AADACL4: variants seen among roughly 807,000 people sequenced by gnomAD.
AADACL4 encodes arylacetamide deacetylase like 4, also known as arylacetamide deacetylase-like 4.
Under a neutral mutation model 14.1 loss-of-function variants are expected in AADACL4, and 9 were observed. The observed-to-expected ratio is 0.64, with a 90% CI of 0.39 to 1.12. The LOEUF is 1.12. Among genes scored for constraint, AADACL4 ranks in the 50% most tolerant of loss-of-function variants. AADACL4 has a pLI of 0.01. For missense variants in AADACL4, 531 were observed against 516.1 expected (o/e 1.03, Z -0.28); for synonymous variants, 188 against 201.6 (o/e 0.93, Z 0.57).
intron 1 of AADACL4, among the ~76,000 whole-genome samples, chr1:12,644,949 T>C (rs1327349190): frequency 7.1e-6 from 1 of 141,422 alleles, no homozygotes; most frequent in African/African-American, 2.6e-5. Flanking sequence ...CTTCCTTCCC[T>C]CCTTCTCTCC....
intron 1 of AADACL4, among the ~76,000 whole-genome samples, chr1:12,646,766 G>A (rs1382213750): frequency 7.9e-5 from 12 of 152,182 alleles, no homozygotes; most frequent in Admixed American, 1.3e-4. Context: ...GTCTGCAGCC[G>A]CTGAAAGGGT....
chr1:12,646,237 C>T (rs151033819), intron 1 of AADACL4, among the ~76,000 whole-genome samples: 141 of 152,336 alleles, frequency 9.3e-4, no homozygotes, highest in Middle Eastern at 6.8e-3. Context: ...GCCGGACTGC[C>T]TGAGTGTGTG....
chr1:12,661,575 C>T (rs1407988711), intron 2 of AADACL4, among the ~76,000 whole-genome samples: 1 of 152,030 alleles, frequency 6.6e-6, no homozygotes, highest in Non-Finnish European at 1.5e-5. Context: ...AAAGTGAGCC[C>T]CAAGGTGAAT....
At chr1:12,658,443 G>A (rs1053089729) in intron 2 of AADACL4, among the ~76,000 whole-genome samples, 1 of 152,108 alleles carries the variant, frequency 6.6e-6, no homozygotes, top group Non-Finnish European at 1.5e-5. Context: ...ATTTTTAGTA[G>A]AGACGGGGTT....
chr1:12,654,889 G>A (rs541027168), intron 2 of AADACL4, among the ~76,000 whole-genome samples: 1 of 152,312 alleles, frequency 6.6e-6, no homozygotes, highest in Admixed American at 6.5e-5. Context: ...ACCCACAGGT[G>A]TGTTGACTCA....
At chr1:12,658,713 A>G (rs866500724) in intron 2 of AADACL4, among the ~76,000 whole-genome samples, 3 of 90,920 alleles carry the variant, frequency 3.3e-5, no homozygotes, top group South Asian at 3.4e-4. Context: ...CCCCCCGTGT[A>G]CACCCCGTGC....
At chr1:12,655,401 G>T (rs1647175213) in intron 2 of AADACL4, among the ~76,000 whole-genome samples, 2 of 151,960 alleles carry the variant, frequency 1.3e-5, no homozygotes, top group Non-Finnish European at 2.9e-5. Context: ...GGAACCTCAG[G>T]CCTCTTCAGT....
chr1:12,664,349 CTTTTTCT>C (rs1243321686), intron 3 of AADACL4, among the ~76,000 whole-genome samples: 1 of 151,556 alleles, frequency 6.6e-6, no homozygotes, highest in African/African-American at 2.4e-5. Flanking sequence ...GTTTTCTTTT[CTTTTTCT>C]TTTTTCTTTT....
At chr1:12,651,437 GGAATCA>G in intron 2 of AADACL4, 98 bp downstream of exon 2, 1 of 1,279,782 alleles carries the variant, frequency 7.8e-7, no homozygotes, top group Non-Finnish European at 1.1e-6. Context: ...GTAGCTTAAA[GGAATCA>G]GTTGTTGGAG....
chr1:12,666,678 T>C lies in AADACL4; in HGVS notation c.1167T>C (p.Ser389=). The change falls in exon 4 of 4, where the codon TCT becomes TCC. Residue 389 remains serine, a synonymous_variant. Transcript: ENST00000376221. ...TCTTTTTTGATAAGAAGGCTCTCTC[T>C]TTCCCATGTTCCCTGAAGATTGTGA... The part of the protein sequence containing the change: ...SIIFFDKKAL[S]FPCSLKIVNA... The C allele has an allele frequency of 6.2e-7, 1 of 1,613,926 alleles. No individual in the cohort carries two copies. Among genetic ancestry groups the C allele is most frequent in the Non-Finnish European group, 8.5e-7 (1 of 1,180,012 alleles).
chr1:12,649,578 G>A (rs1647132543), intron 1 of AADACL4, among the ~76,000 whole-genome samples: 1 of 152,184 alleles, frequency 6.6e-6, no homozygotes, highest in Non-Finnish European at 1.5e-5. Context: ...TTTGTTTGGA[G>A]TTCCTTTAGG....
chr1:12,651,718 A>T (rs1288386924), intron 2 of AADACL4, among the ~76,000 whole-genome samples: 1 of 151,692 alleles, frequency 6.6e-6, no homozygotes, highest in East Asian at 1.9e-4. Context: ...ATCATGACCC[A>T]AGACCCCATC....
rs78358123 is a variant in AADACL4 at position 12,652,411 on chromosome 1, T to G, written c.385+1072T>G. Among the ~76,000 whole-genome samples, 526 of 152,314 alleles carry G rather than the reference T, an allele frequency of 3.5e-3. 22 individuals are homozygous for G. In the East Asian group the frequency reaches 0.086, roughly 25 times the overall value. On this transcript the variant is annotated intron_variant, in intron 2 of 3. Coordinates refer to ENST00000376221, the MANE Select transcript of AADACL4 (RefSeq NM_001013630.2). Reference sequence around the variant, plus strand: ...TACGCCTGGTTCTTTCAGTTGTATCTCAACTGTCCCTCCCCAGAGTTGTCT... The same window carrying G: ...TACGCCTGGTTCTTTCAGTTGTATCGCAACTGTCCCTCCCCAGAGTTGTCT...
At position 12,667,059 on chromosome 1, in the gene AADACL4, T is replaced by C. The variant is rs919950777; in HGVS notation, c.*324T>C. The C allele has an allele frequency of 4.0e-5, 17 of 421,970 alleles. No homozygotes were observed. In the Admixed American group the frequency reaches 5.1e-4, roughly 13 times the overall value. 26.1% of individuals were successfully genotyped at this position (421,970 alleles called of 1,614,324 possible). A position where few individuals can be genotyped will look rare whatever the true frequency, so the allele number is the denominator to read the frequency against. ...CCCAACATATAAGATCTGTGCAGAA[T>C]AAATGCCAACAACTGGTCATACCGT... On this transcript the variant is annotated 3_prime_UTR_variant, in exon 4 of 4. Coordinates refer to ENST00000376221, the MANE Select transcript of AADACL4 (RefSeq NM_001013630.2).
In AADACL4 at chr1:12,666,588, C is replaced by T. The variant is rs1184147076; in HGVS notation, c.1077C>T (p.Arg359=). ...LRDDSLLYKK[R]LEDQGVRVTW... The stretch of plus-strand genomic sequence containing the variant: ...ATGACAGCTTGCTCTATAAGAAGCG[C>T]TTGGAGGACCAGGGGGTCCGCGTGA... The change falls in exon 4 of 4, where the codon CGC becomes CGT. Residue 359 remains arginine, a synonymous_variant. Coordinates refer to ENST00000376221, the MANE Select transcript of AADACL4 (RefSeq NM_001013630.2). 6.2e-7 allele frequency: 1 copy of T among 1,614,196 alleles called. No individual in the cohort carries two copies. The highest frequency in any genetic ancestry group is 1.7e-5 in the Admixed American group (1 of 60,034).
intron 1 of AADACL4, among the ~76,000 whole-genome samples, chr1:12,647,707 G>T (rs370459661): frequency 6.7e-6 from 1 of 149,844 alleles, no homozygotes; most frequent in East Asian, 2.0e-4. Flanking sequence ...GTAGGCTGAA[G>T]TGCAGTGGCA....
At chr1:12,656,592 G>A (rs1647180152) in intron 2 of AADACL4, among the ~76,000 whole-genome samples, 1 of 152,208 alleles carries the variant, frequency 6.6e-6, no homozygotes, top group Non-Finnish European at 1.5e-5. Flanking sequence ...AGTTCACTAA[G>A]CTTTCGGGTG....
intron 3 of AADACL4, among the ~76,000 whole-genome samples, chr1:12,664,934 T>A (rs1647288190): frequency 6.6e-6 from 1 of 152,202 alleles, no homozygotes. Flanking sequence ...AACCTCAGGA[T>A]ACTGAAGACC....
At chr1:12,654,738 G>T (rs2255175) in intron 2 of AADACL4, among the ~76,000 whole-genome samples, 4,521 of 152,288 alleles carry the variant, frequency 0.03, 77 homozygotes, top group Middle Eastern at 0.068. Context: ...TCCTTACCTT[G>T]AGTAAATAGC....
Sources: gnomAD v4.1 joint callset for allele counts (sites outside exome capture counted in the v4.1 genomes callset) on GRCh38, gnomAD v4.1.1 for gene constraint, MANE v1.5 for transcripts, NCBI Gene and HGNC (gene_info 2026-07-23, HGNC 2026-07-21) for gene names.